PALD1: variants seen among roughly 807,000 people sequenced by gnomAD.
PALD1 encodes phosphatase domain containing paladin 1.
Under a neutral mutation model 96.0 loss-of-function variants are expected in PALD1, and 57 were observed. The observed-to-expected ratio is 0.59, with a 90% CI of 0.48 to 0.74. The LOEUF (loss-of-function observed/expected upper bound fraction) is 0.74. Among genes scored for constraint, PALD1 ranks in the 30% least tolerant of loss-of-function variants. The pLI is 0.00. For missense variants in PALD1, 1,063 were observed against 1,143.7 expected (o/e 0.93, Z 1.02); for synonymous variants, 464 against 473.6 (o/e 0.98, Z 0.26).
intron 1 of PALD1, among the ~76,000 whole-genome samples, chr10:70,525,389 C>G (rs988965324): frequency 6.6e-6 from 1 of 152,140 alleles, no homozygotes; most frequent in South Asian, 2.1e-4. Flanking sequence ...TGATAGCTCA[C>G]CTAATCTGGA....
rs1415381841 is a variant in PALD1 at position 70,566,717 on chromosome 10, C to T, written c.2555C>T (p.Pro852Leu). The stretch of plus-strand genomic sequence containing the variant: ...AGCTGCAGCCTCGAGCCCTCTGCCC[C>T]CGAGGACTTGCTGTAGGGGGCCTTA... The part of the protein sequence containing the change: ...EQSCSLEPSA[P>L]EDLL Residue 852 changes from proline to leucine, a missense_variant, in exon 20 of 20, where the codon CCC becomes CTC. Pro to Leu is a moderately conservative substitution (Grantham distance 98, BLOSUM62 -3). Coordinates refer to ENST00000263563, the MANE Select transcript of PALD1 (RefSeq NM_014431.3). 5 of 1,599,500 alleles carry T rather than the reference C, an allele frequency of 3.1e-6. No homozygotes were observed. The African/African-American group carries it at 6.7e-5, about 21-fold the overall frequency.
At chr10:70,505,013 A>G (rs577293842) in intron 1 of PALD1, among the ~76,000 whole-genome samples, 2 of 152,356 alleles carry the variant, frequency 1.3e-5, no homozygotes, top group South Asian at 2.1e-4. Flanking sequence ...TTGTAATATC[A>G]GGCATCTGTC....
chr10:70,505,640 AAAAC>A (rs936945154), intron 1 of PALD1, among the ~76,000 whole-genome samples: 4 of 131,136 alleles, frequency 3.1e-5, no homozygotes, highest in African/African-American at 8.1e-5. Context: ...AAAACAAAAC[AAAAC>A]AAAAAAACAA....
chr10:70,522,100 G>C (rs936029506), intron 1 of PALD1, among the ~76,000 whole-genome samples: 4 of 152,168 alleles, frequency 2.6e-5, no homozygotes, highest in African/African-American at 9.7e-5. Flanking sequence ...CAGTGACAAG[G>C]CTGCAGTGGC....
intron 2 of PALD1, among the ~76,000 whole-genome samples, chr10:70,528,245 G>A (rs1282337132): frequency 6.6e-6 from 1 of 152,216 alleles, no homozygotes; most frequent in East Asian, 1.9e-4. Flanking sequence ...TGGAGCTGTT[G>A]TGTCTTGAGG....
At chr10:70,511,774 A>G (rs1428376451) in intron 1 of PALD1, among the ~76,000 whole-genome samples, 1 of 152,228 alleles carries the variant, frequency 6.6e-6, no homozygotes, top group Non-Finnish European at 1.5e-5. Context: ...CACGCCTGTA[A>G]TCCCAGCACT....
At chr10:70,516,835 C>T (rs1474839054) in intron 1 of PALD1, among the ~76,000 whole-genome samples, 1 of 152,128 alleles carries the variant, frequency 6.6e-6, no homozygotes, top group Admixed American at 6.5e-5. Flanking sequence ...CTATTATGGA[C>T]ATAAGCCACT....
rs531686829 is a variant in PALD1, at chr10:70,547,606, T to C, written c.2262+160T>C. Among the ~76,000 whole-genome samples, 491 of 152,172 alleles carry C rather than the reference T, an allele frequency of 3.2e-3. 5 individuals carry two copies. The highest frequency in any genetic ancestry group is 0.011 in the African/African-American group (459 of 41,506). On this transcript the variant is annotated intron_variant, in intron 18 of 19. Transcript: ENST00000263563. ...ACCTTCTGGAAGTGGAAGTGATCCA[T>C]GAGATGGACACATCCCCAGCCCCGA...
intron 11 of PALD1, 116 bp from the exon 12 acceptor site, chr10:70,538,164 C>G: frequency 1.7e-6 from 2 of 1,145,750 alleles, no homozygotes; most frequent in South Asian, 1.4e-5. Flanking sequence ...CTCCCTTGTC[C>G]CTGCTCTGGG....
In PALD1 at chr10:70,526,148, G is replaced by C. The variant is rs1231485857; in HGVS notation, c.185+12G>C. 6.2e-7 allele frequency: 1 copy of C among 1,611,352 alleles called. No homozygotes were observed. On this transcript the variant is annotated intron_variant, in intron 2 of 19. Coordinates refer to ENST00000263563, the MANE Select transcript of PALD1 (RefSeq NM_014431.3). Reference sequence around the variant, plus strand: ...CCTGTTGTGATCACGTGAGTGGCAGGGGGAGTGTGCCCATGTCCCTGGGAG... The same window carrying C: ...CCTGTTGTGATCACGTGAGTGGCAGCGGGAGTGTGCCCATGTCCCTGGGAG...
intron 18 of PALD1, among the ~76,000 whole-genome samples, chr10:70,561,835 A>C (rs576594472): frequency 6.6e-6 from 1 of 151,502 alleles, no homozygotes; most frequent in African/African-American, 2.4e-5. Context: ...GCCCTCCGCC[A>C]CTCAAGGCAC....
intron 1 of PALD1, among the ~76,000 whole-genome samples, chr10:70,490,097 A>G (rs1440743756): frequency 6.6e-6 from 1 of 151,884 alleles, no homozygotes; most frequent in Non-Finnish European, 1.5e-5. Context: ...TAATTTTTGT[A>G]TTTTTAGTAG....
chr10:70,520,604 G>A (rs563976276), intron 1 of PALD1, among the ~76,000 whole-genome samples: 1 of 151,832 alleles, frequency 6.6e-6, no homozygotes, highest in East Asian at 1.9e-4. Flanking sequence ...CCCACCTTTT[G>A]AAGCTTGAGT....
At chr10:70,531,218 A>C in intron 4 of PALD1, 72 bp from the exon 5 acceptor site, 1 of 1,297,582 alleles carries the variant, frequency 7.7e-7, no homozygotes, top group Non-Finnish European at 1.1e-6. Context: ...AGAGGCCCTG[A>C]GGTGGGGCAG....
At chr10:70,528,001 GT>G (rs1365032961) in intron 2 of PALD1, among the ~76,000 whole-genome samples, 1 of 149,404 alleles carries the variant, frequency 6.7e-6, no homozygotes, top group East Asian at 2.0e-4. Context: ...TCATTGTTCA[GT>G]TCCCACCTAT....
intron 18 of PALD1, among the ~76,000 whole-genome samples, chr10:70,557,068 C>G (rs929040576): frequency 1.3e-5 from 2 of 152,368 alleles, no homozygotes; most frequent in South Asian, 2.1e-4. Context: ...TCTTCCAGGA[C>G]AGAGCGTTCT....
At chr10:70,544,617 C>T (rs1022988863) in intron 17 of PALD1, among the ~76,000 whole-genome samples, 1 of 152,088 alleles carries the variant, frequency 6.6e-6, no homozygotes, top group Non-Finnish European at 1.5e-5. Context: ...GAGTTTCTGG[C>T]TTTGCAGTAG....
chr10:70,548,802 G>A (rs2132417696), intron 18 of PALD1, among the ~76,000 whole-genome samples: 1 of 152,342 alleles, frequency 6.6e-6, no homozygotes, highest in East Asian at 1.9e-4. Flanking sequence ...TCATGGATCA[G>A]GCCCTGATTG....
In PALD1 at chr10:70,495,835, G is replaced by C. The variant is rs1269545052; in HGVS notation, c.-30+16776G>C. On this transcript the variant is annotated intron_variant, in intron 1 of 19. Transcript: ENST00000263563. ...GCCTGGGCAGCATAGTGAGATTCTT[G>C]TCTCTACAAAAAAAAAAAAAAAAAT... 2.8e-5 allele frequency among the ~76,000 whole-genome samples: 4 copies of C among 140,740 alleles called. No homozygotes were observed. The South Asian group carries it at 9.4e-4, about 33-fold the overall frequency. The allele number at this position is 140,740 out of a possible 152,430, so 92.3% of individuals were successfully genotyped here.
Sources: allele counts gnomAD v4.1 joint callset (sites outside exome capture counted in the v4.1 genomes callset), GRCh38; gene constraint gnomAD v4.1.1; transcripts MANE v1.5; gene names NCBI Gene and HGNC (gene_info 2026-07-23, HGNC 2026-07-21).